The following SPAG16 variants were observed in gnomAD, a reference collection of about 807,000 sequenced individuals.
SPAG16 encodes sperm associated antigen 16.
Under a neutral mutation model 80.4 loss-of-function variants are expected in SPAG16, and 86 were observed. The ratio of observed to expected loss-of-function variants is 1.07; its 90% CI spans 0.90 to 1.28. SPAG16 has a LOEUF of 1.28. SPAG16 is among the 50% of genes most tolerant of loss of function. SPAG16 has a pLI of 0.00. For missense variants in SPAG16, 870 were observed against 765.3 expected, an observed-to-expected ratio of 1.14 and a Z score of -1.61; for synonymous variants, 294 against 265.9, an observed-to-expected ratio of 1.11 and a Z score of -1.03.
intron 13 of SPAG16, among the ~76,000 whole-genome samples, chr2:214,032,043 G>A (rs1181433622): frequency 6.6e-6 from 1 of 152,110 alleles, no homozygotes; most frequent in African/African-American, 2.4e-5. Context: ...GTTGCTCATA[G>A]TGTTCCCATA....
intron 15 of SPAG16, among the ~76,000 whole-genome samples, chr2:214,165,853 C>G (rs988101828): frequency 5.3e-5 from 8 of 151,976 alleles, no homozygotes; most frequent in Non-Finnish European, 1.2e-4. Flanking sequence ...TGCTACAATT[C>G]AAAGTCAATT....
intron 13 of SPAG16, among the ~76,000 whole-genome samples, chr2:214,028,626 A>G (rs1262088773): frequency 6.6e-6 from 1 of 152,104 alleles, no homozygotes; most frequent in Non-Finnish European, 1.5e-5. Flanking sequence ...AAAATTTTAA[A>G]GGATATTTAA....
intron 15 of SPAG16, among the ~76,000 whole-genome samples, chr2:214,276,409 G>T (rs1056268552): frequency 6.6e-6 from 1 of 152,136 alleles, no homozygotes; most frequent in African/African-American, 2.4e-5. Context: ...TTACAATTTG[G>T]CATGTTTTTA....
chr2:214,044,933 G>A (rs547237316), intron 13 of SPAG16, among the ~76,000 whole-genome samples: 1 of 152,238 alleles, frequency 6.6e-6, no homozygotes, highest in South Asian at 2.1e-4. Flanking sequence ...GTGCTCTGGG[G>A]CCCTAAATAA....
chr2:213,843,142 T>G (rs757051284), intron 10 of SPAG16, among the ~76,000 whole-genome samples: 6 of 152,074 alleles, frequency 3.9e-5, no homozygotes, highest in Non-Finnish European at 8.8e-5. Flanking sequence ...ACTTTAAGTT[T>G]TAGGGTACAT....
intron 15 of SPAG16, among the ~76,000 whole-genome samples, chr2:214,195,303 TGATA>T (rs78351450): frequency 4.1e-5 from 6 of 146,772 alleles, no homozygotes; most frequent in Non-Finnish European, 7.5e-5. Flanking sequence ...AGATGAGAGA[TGATA>T]GATAGATAGA....
intron 6 of SPAG16, among the ~76,000 whole-genome samples, chr2:213,344,956 A>T (rs2064891208): frequency 1.3e-5 from 2 of 152,226 alleles, no homozygotes; most frequent in Non-Finnish European, 2.9e-5. Context: ...GAATCACCAC[A>T]CTGACTTCCA....
chr2:214,190,986 T>C (rs1336302253), intron 15 of SPAG16, among the ~76,000 whole-genome samples: 1 of 152,172 alleles, frequency 6.6e-6, no homozygotes, highest in Non-Finnish European at 1.5e-5. Context: ...TTTAGATTAT[T>C]CAATTTATAG....
intron 10 of SPAG16, among the ~76,000 whole-genome samples, chr2:213,651,444 TG>T (rs2063019487): frequency 6.6e-6 from 1 of 152,176 alleles, no homozygotes; most frequent in Non-Finnish European, 1.5e-5. Flanking sequence ...ACTTCCTTTT[TG>T]GCAGTAAGCA....
intron 13 of SPAG16, among the ~76,000 whole-genome samples, chr2:214,102,378 A>G (rs904597796): frequency 1.3e-5 from 2 of 152,028 alleles, no homozygotes; most frequent in African/African-American, 4.8e-5. Context: ...AAGTATTGGC[A>G]TCTGTGAATA....
chr2:214,104,228 A>G (rs971246241), intron 13 of SPAG16, among the ~76,000 whole-genome samples: 21 of 152,152 alleles, frequency 1.4e-4, no homozygotes, highest in Non-Finnish European at 2.6e-4. Flanking sequence ...AGTGAAAAGG[A>G]AGAGTGGTAA....
chr2:213,482,034 T>A (rs2073774265), intron 9 of SPAG16, among the ~76,000 whole-genome samples: 1 of 152,220 alleles, frequency 6.6e-6, no homozygotes, highest in Non-Finnish European at 1.5e-5. Flanking sequence ...TTTTTCTCAG[T>A]ATGTATGATC....
intron 10 of SPAG16, among the ~76,000 whole-genome samples, chr2:213,610,455 A>C (rs1481927099): frequency 2.0e-5 from 3 of 152,210 alleles, no homozygotes; most frequent in Non-Finnish European, 4.4e-5. Flanking sequence ...CTACATAACC[A>C]GACCACTTTT....
At chr2:213,364,952 T>G (rs1376069242) in intron 8 of SPAG16, 3 of 152,208 alleles carry the variant, frequency 2.0e-5, no homozygotes, top group Non-Finnish European at 4.4e-5. Context: ...GAACAAAGCT[T>G]ACACAGCATT....
chr2:213,760,550 A>T (rs182972430), intron 10 of SPAG16, among the ~76,000 whole-genome samples: 2 of 144,590 alleles, frequency 1.4e-5, no homozygotes, highest in East Asian at 3.9e-4. Context: ...GCAATACATT[A>T]AAAAAAAAAC....
chr2:213,382,383 G>T (rs533913699), intron 9 of SPAG16, among the ~76,000 whole-genome samples: 3 of 152,198 alleles, frequency 2.0e-5, no homozygotes, highest in Non-Finnish European at 4.4e-5. Context: ...CCTTAATAGA[G>T]AATATGTAAA....
At chr2:214,274,619 A>G (rs1030071832) in intron 15 of SPAG16, among the ~76,000 whole-genome samples, 13 of 152,180 alleles carry the variant, frequency 8.5e-5, no homozygotes, top group Non-Finnish European at 1.6e-4. Flanking sequence ...GCATATGTTG[A>G]ACCAGCCTTG....
intron 15 of SPAG16, among the ~76,000 whole-genome samples, chr2:214,191,048 T>C (rs2057646557): frequency 6.6e-6 from 1 of 152,118 alleles, no homozygotes; most frequent in South Asian, 2.1e-4. Context: ...CAAATCAGGC[T>C]TACTATGGGT....
chr2:214,348,303 T>A (rs377496987), intron 15 of SPAG16, among the ~76,000 whole-genome samples: 13 of 152,134 alleles, frequency 8.5e-5, no homozygotes, highest in South Asian at 2.1e-4. Context: ...GGGATGAGGG[T>A]GTTTTTCACA....
Sources: gnomAD v4.1 joint callset for allele counts (sites outside exome capture counted in the v4.1 genomes callset) on GRCh38, gnomAD v4.1.1 for gene constraint, MANE v1.5 for transcripts, NCBI Gene and HGNC (gene_info 2026-07-23, HGNC 2026-07-21) for gene names.